Variants in HEATR6 observed in about 807,000 individuals in gnomAD.
HEATR6 encodes the protein HEAT repeat-containing protein 6.
Under a neutral mutation model 132.8 loss-of-function variants are expected in HEATR6, and 106 were observed. That is an observed-to-expected ratio of 0.80 (90% CI 0.68 to 0.94). The LOEUF is 0.94. Ranked by LOEUF, HEATR6 falls within the 40% of genes least tolerant of loss-of-function variation. The pLI is 0.00. For missense variants in HEATR6, 1,339 were observed against 1,425.1 expected, an observed-to-expected ratio of 0.94 and a Z score of 0.97; for synonymous variants, 529 against 537.8, an observed-to-expected ratio of 0.98 and a Z score of 0.23.
At chr17:60,071,346 T>C (rs1047724369) in intron 5 of HEATR6, among the ~76,000 whole-genome samples, 2 of 152,220 alleles carry the variant, frequency 1.3e-5, no homozygotes, top group Non-Finnish European at 2.9e-5. Flanking sequence ...GTAGCCTTGT[T>C]TGAAATAGTG....
intron 2 of HEATR6, 126 bp downstream of exon 2, chr17:60,076,004 G>T: frequency 1.8e-6 from 1 of 555,346 alleles, no homozygotes. Context: ...TCTTATTTAG[G>T]CATTTGCTTT....
intron 15 of HEATR6, among the ~76,000 whole-genome samples, chr17:60,050,150 G>A (rs975177283): frequency 1.3e-5 from 2 of 152,168 alleles, no homozygotes; most frequent in Admixed American, 6.5e-5. Flanking sequence ...TGGGAACAGA[G>A]CCCTCATGAA....
chr17:60,058,752 T>C (rs1315909837), intron 11 of HEATR6, among the ~76,000 whole-genome samples: 1 of 152,204 alleles, frequency 6.6e-6, no homozygotes, highest in Non-Finnish European at 1.5e-5. Flanking sequence ...TCAGGTCCCA[T>C]GCTCTTCCCA....
At chr17:60,052,778 C>T (rs1205705092) in intron 14 of HEATR6, among the ~76,000 whole-genome samples, 1 of 152,120 alleles carries the variant, frequency 6.6e-6, no homozygotes, top group East Asian at 1.9e-4. Flanking sequence ...ATCTTTGGAA[C>T]TGGCACAGTG....
chr17:60,066,037 T>C (rs1187749641), intron 9 of HEATR6, among the ~76,000 whole-genome samples, 172 bp downstream of exon 9: 1 of 152,228 alleles, frequency 6.6e-6, no homozygotes, highest in African/African-American at 2.4e-5. Flanking sequence ...CCTCAGTGTA[T>C]TATTCACATA....
chr17:60,061,399 C>T (rs1307441850), intron 9 of HEATR6, among the ~76,000 whole-genome samples: 2 of 152,090 alleles, frequency 1.3e-5, no homozygotes, highest in South Asian at 4.1e-4. Context: ...GGGAAATTGA[C>T]AATGTATTAG....
intron 14 of HEATR6, 136 bp from the exon 15 acceptor site, chr17:60,051,113 T>C: frequency 1.1e-6 from 1 of 943,650 alleles, no homozygotes; most frequent in Non-Finnish European, 1.6e-6. Context: ...TTTCATTGGT[T>C]CTTCTTCCAC....
chr17:60,056,654 T>C (rs1333766412), intron 12 of HEATR6, among the ~76,000 whole-genome samples: 1 of 152,196 alleles, frequency 6.6e-6, no homozygotes, highest in Non-Finnish European at 1.5e-5. Flanking sequence ...TTTCTTCCTT[T>C]GAAGGAACAA....
chr17:60,066,592 A>G (rs949641931), intron 8 of HEATR6, among the ~76,000 whole-genome samples: 6 of 152,236 alleles, frequency 3.9e-5, no homozygotes, highest in African/African-American at 1.4e-4. Flanking sequence ...ATTTGTCTCT[A>G]TAACAAGTTA....
At chr17:60,053,438 G>A (rs1906648649) in intron 14 of HEATR6, among the ~76,000 whole-genome samples, 1 of 152,210 alleles carries the variant, frequency 6.6e-6, no homozygotes, top group Admixed American at 6.5e-5. Flanking sequence ...AAGGAATGGG[G>A]TGTTGTTATA....
At chr17:60,044,302 G>A (rs1485915022) in intron 19 of HEATR6, among the ~76,000 whole-genome samples, 168 bp from the exon 20 acceptor site, 1 of 152,054 alleles carries the variant, frequency 6.6e-6, no homozygotes, top group Non-Finnish European at 1.5e-5. Flanking sequence ...CTGACTGTAG[G>A]ATCCTAGGTA....
In HEATR6 at chr17:60,048,303, C is replaced by A; in HGVS notation, c.2633G>T (p.Trp878Leu). The change falls in exon 17 of 20, where the codon TGG becomes TTG. Residue 878 changes from tryptophan (W) to leucine (L), a missense_variant. Physicochemically the swap from Trp to Leu is moderately conservative, Grantham distance 61 (BLOSUM62 -2). Transcript: ENST00000184956. ...AGTGTCTGTCAGGTTGCCCAGGGAC[C>A]AGGCTGCTTTGGCTCGAACATTCAG... ...KSLNVRAKAA[W>L]SLGNLTDTLI... is the part of the protein sequence containing the mutation. The A allele has an allele frequency of 1.9e-6, 3 of 1,613,758 alleles. No individual in the cohort carries two copies. The highest frequency in any genetic ancestry group is 1.7e-6 in the Non-Finnish European group (2 of 1,179,774).
chr17:60,054,899 A>T (rs1251193935), intron 14 of HEATR6, among the ~76,000 whole-genome samples: 1 of 152,182 alleles, frequency 6.6e-6, no homozygotes, highest in Non-Finnish European at 1.5e-5. Flanking sequence ...GCAGAATGAT[A>T]TGGTTTGGAT....
intron 5 of HEATR6, 43 bp downstream of exon 5, chr17:60,072,172 G>T: frequency 9.7e-7 from 1 of 1,026,942 alleles, no homozygotes; most frequent in Non-Finnish European, 1.5e-6. Context: ...TCTGCTTCTA[G>T]ACACATCCGC....
In HEATR6 at chr17:60,042,248, G is replaced by A. The variant is rs891634187; in HGVS notation, c.*1315C>T. Among the ~76,000 whole-genome samples the A allele has an allele frequency of 2.0e-5, 3 of 152,238 alleles. No homozygotes were observed. The highest frequency in any genetic ancestry group is 7.2e-5 in the African/African-American group (3 of 41,462). On this transcript the variant is annotated 3_prime_UTR_variant, in exon 20 of 20. Coordinates refer to ENST00000184956, the MANE Select transcript of HEATR6 (RefSeq NM_022070.5). ...CCCTGCTTGCTGGGAGTTAACTCTG[G>A]TTATTGGATTGTGGGGAGGTGTGGC...
chr17:60,063,429 T>G (rs2083222633), intron 9 of HEATR6: 1 of 152,132 alleles, frequency 6.6e-6, no homozygotes, highest in Non-Finnish European at 1.5e-5. Context: ...CTTAAATTAG[T>G]CTTGTTATTT....
Position 60,043,874 on chromosome 17 carries a change from G to A in HEATR6, c.3235C>T (p.Leu1079Phe), listed in dbSNP as rs114877998. 5.0e-6 allele frequency: 8 copies of A among 1,614,196 alleles called. No homozygotes were observed. The highest frequency in any genetic ancestry group is 4.0e-5 in the African/African-American group (3 of 75,054). ...TCCGAGGCACTGGCCAAGCTCAAGA[G>A]GTGAATCAGTGCCTGGCAGATTTGG... ...RTQICQALIH[L>F]LSLASASDLP... is the part of the protein sequence containing the mutation. The change falls in exon 20 of 20, where the codon CTC (leucine) becomes TTC (phenylalanine). Residue 1079 changes from leucine (L) to phenylalanine (F), a missense_variant. Leu to Phe is a conservative substitution (Grantham distance 22, BLOSUM62 0). Coordinates refer to ENST00000184956, the MANE Select transcript of HEATR6 (RefSeq NM_022070.5).
chr17:60,046,285 A>G (rs1411753657), intron 18 of HEATR6, 56 bp from the exon 19 acceptor site: 4 of 1,429,698 alleles, frequency 2.8e-6, no homozygotes, highest in Non-Finnish European at 3.8e-6. Flanking sequence ...TGTTTCCAAA[A>G]GTCTAATTTC....
intron 14 of HEATR6, among the ~76,000 whole-genome samples, chr17:60,051,935 C>T (rs1906589375): frequency 6.6e-6 from 1 of 152,214 alleles, no homozygotes. Flanking sequence ...GTAGTCCCCT[C>T]CCATACTGAA....
Sources: gnomAD v4.1 joint callset for allele counts (sites outside exome capture counted in the v4.1 genomes callset) on GRCh38, gnomAD v4.1.1 for gene constraint, MANE v1.5 for transcripts, NCBI Gene and HGNC (gene_info 2026-07-23, HGNC 2026-07-21) for gene names.